FAXC: variants seen among roughly 807,000 people sequenced by gnomAD.
FAXC encodes failed axon connections homolog.
A neutral mutation model predicts 41.9 loss-of-function variants in FAXC; 10 were observed. The observed-to-expected ratio is 0.24, with a 90% CI of 0.15 to 0.41. FAXC has a LOEUF of 0.41. Among genes scored for constraint, FAXC ranks in the 10% least tolerant of loss-of-function variants. FAXC has a pLI of 1.00. For synonymous variants in FAXC, 183 were observed against 183.8 expected (o/e 1.00, Z 0.03); for missense variants, 399 against 510.9 (o/e 0.78, Z 2.11).
At chr6:99,300,814 C>T (rs1362820693) in intron 4 of FAXC, among the ~76,000 whole-genome samples, 2 of 152,152 alleles carry the variant, frequency 1.3e-5, no homozygotes, top group African/African-American at 4.8e-5. Flanking sequence ...TTCTGGTTAA[C>T]GAAACACCAC....
At position 99,343,183 on chromosome 6, in the gene FAXC, T is replaced by C. The variant is rs560959693; in HGVS notation, c.267-150A>G. On this transcript the variant is annotated intron_variant, in intron 1 of 5. Coordinates refer to ENST00000389677, the MANE Select transcript of FAXC (RefSeq NM_032511.4). ...GGGCTTACATCACCCAGCACCCAGT[T>C]TGTCGAAGGGGCTTACCTCACCCAG... The C allele has an allele frequency of 3.8e-4, 242 of 638,322 alleles. No individual in the cohort carries two copies. In the African/African-American group the frequency reaches 4.0e-3, roughly 10 times the overall value. The allele number at this position is 638,322 out of a possible 1,614,324, so 39.5% of individuals were successfully genotyped here.
intron 2 of FAXC, among the ~76,000 whole-genome samples, chr6:99,337,609 T>G (rs895558016): frequency 3.9e-5 from 6 of 152,174 alleles, no homozygotes; most frequent in Non-Finnish European, 8.8e-5. Context: ...AATCAGAAAA[T>G]GCAGTAAAGC....
chr6:99,317,679 G>A (rs1281645736), intron 4 of FAXC, among the ~76,000 whole-genome samples: 1 of 152,140 alleles, frequency 6.6e-6, no homozygotes, highest in Non-Finnish European at 1.5e-5. Flanking sequence ...TGTCAAATGG[G>A]TGGTGTTCCT....
chr6:99,313,047 C>T (rs1407745880), intron 4 of FAXC, among the ~76,000 whole-genome samples: 1 of 152,190 alleles, frequency 6.6e-6, no homozygotes, highest in Non-Finnish European at 1.5e-5. Flanking sequence ...AATCCCAGCA[C>T]GTTGTGGGGC....
At chr6:99,293,698 G>C (rs563816825) in intron 4 of FAXC, among the ~76,000 whole-genome samples, 14,639 of 143,002 alleles carry the variant, frequency 0.1, 673 homozygotes, top group Middle Eastern at 0.17. Context: ...GTGTGTGTGT[G>C]TGTGTGTGTG....
intron 5 of FAXC, among the ~76,000 whole-genome samples, chr6:99,282,243 A>T (rs1319302022): frequency 6.6e-6 from 1 of 152,144 alleles, no homozygotes; most frequent in African/African-American, 2.4e-5. Flanking sequence ...AATACGTCAA[A>T]CTGTTGGTTG....
At chr6:99,347,072 G>A (rs1313216036) in intron 1 of FAXC, among the ~76,000 whole-genome samples, 1 of 151,830 alleles carries the variant, frequency 6.6e-6, no homozygotes. Context: ...GACAAGCCTG[G>A]GCAACATAGT....
In FAXC at chr6:99,279,808, G is replaced by A. The variant is rs183538223; in HGVS notation, c.*1356C>T. 6.6e-6 allele frequency: 1 copy of A among 152,314 alleles called. No homozygotes were observed. Among genetic ancestry groups the A allele is most frequent in the Non-Finnish European group, 1.5e-5 (1 of 68,034 alleles). 9.4% of individuals were successfully genotyped at this position (152,314 alleles called of 1,614,324 possible). ...TGAGACAGCAAAAACATTAAGACTTGTTCTCAGCATTGCTCTCCTCTCACT... is the reference window on the plus strand; with the variant it reads ...TGAGACAGCAAAAACATTAAGACTTATTCTCAGCATTGCTCTCCTCTCACT... On this transcript the variant is annotated 3_prime_UTR_variant, in exon 6 of 6. Coordinates refer to ENST00000389677, the MANE Select transcript of FAXC (RefSeq NM_032511.4).
At chr6:99,292,102 A>G (rs1771270423) in intron 4 of FAXC, among the ~76,000 whole-genome samples, 1 of 152,216 alleles carries the variant, frequency 6.6e-6, no homozygotes, top group Admixed American at 6.5e-5. Flanking sequence ...ACTGATCACC[A>G]CCAGACCTCT....
Position 99,349,389 on chromosome 6 carries a change from C to T in FAXC, c.-17G>A. On this transcript the variant is annotated 5_prime_UTR_variant, in exon 1 of 6. Coordinates refer to ENST00000389677, the MANE Select transcript of FAXC (RefSeq NM_032511.4). ...CCAGTGCATGCTGCGCGGCTGGCTC[C>T]GGGCGCCCCTCCCAGGGCCCGCGCC... 2 of 1,590,608 alleles carry T rather than the reference C, an allele frequency of 1.3e-6. No homozygotes were observed. The highest frequency in any genetic ancestry group is 1.7e-6 in the Non-Finnish European group (2 of 1,169,250).
At chr6:99,290,004 T>C (rs183228554) in intron 5 of FAXC, among the ~76,000 whole-genome samples, 5 of 152,020 alleles carry the variant, frequency 3.3e-5, no homozygotes, top group Admixed American at 6.6e-5. Flanking sequence ...TAGTTTCTAC[T>C]GAACAAGTAT....
intron 4 of FAXC, among the ~76,000 whole-genome samples, chr6:99,316,315 G>T (rs939807524): frequency 6.6e-6 from 1 of 152,050 alleles, no homozygotes; most frequent in African/African-American, 2.4e-5. Flanking sequence ...CCACAGAAAG[G>T]GTTTGACAAC....
intron 4 of FAXC, among the ~76,000 whole-genome samples, chr6:99,313,170 G>A (rs1478908597): frequency 6.6e-6 from 1 of 152,182 alleles, no homozygotes; most frequent in Non-Finnish European, 1.5e-5. Context: ...GCACACGCCT[G>A]TGGTCCCAGC....
At chr6:99,347,138 A>T (rs1255785429) in intron 1 of FAXC, among the ~76,000 whole-genome samples, 2 of 152,162 alleles carry the variant, frequency 1.3e-5, no homozygotes, top group Non-Finnish European at 2.9e-5. Flanking sequence ...GCAATGGTTC[A>T]TGCCTGTAAT....
In FAXC at chr6:99,278,048, G is replaced by A. The variant is rs1002559474; in HGVS notation, c.*3116C>T. The A allele has an allele frequency of 6.6e-6, 1 of 152,084 alleles. No homozygotes were observed. The highest frequency in any genetic ancestry group is 6.6e-5 in the Admixed American group (1 of 15,266). 9.4% of individuals were successfully genotyped at this position (152,084 alleles called of 1,614,324 possible). ...ATACCCTAACACCACAGTATACATG[G>A]GCAGGGCTCACTTGAGGAGTAGACT... On this transcript the variant is annotated 3_prime_UTR_variant, in exon 6 of 6. Coordinates refer to ENST00000389677, the MANE Select transcript of FAXC (RefSeq NM_032511.4).
chr6:99,275,029 A>ATCT lies in FAXC; in HGVS notation c.*6132_*6134dup, dbSNP rs1420493687. On this transcript the variant is annotated 3_prime_UTR_variant, in exon 6 of 6. Coordinates refer to ENST00000389677, the MANE Select transcript of FAXC (RefSeq NM_032511.4). ...ACTAACATGGCAATTCAGAAGTTGG[A>ATCT]TCTTATTTTTTTAGAAGCCATGGGG... 2 of 152,328 alleles carry ATCT rather than the reference A, an allele frequency of 1.3e-5. No homozygotes were observed. The highest frequency in any genetic ancestry group is 3.4e-3 in the Middle Eastern group (1 of 294). The allele number at this position is 152,328 out of a possible 1,614,324, so 9.4% of individuals were successfully genotyped here. A position where few individuals can be genotyped will look rare whatever the true frequency, so the allele number is the denominator to read the frequency against.
At chr6:99,301,326 T>C (rs922117933) in intron 4 of FAXC, among the ~76,000 whole-genome samples, 2 of 152,260 alleles carry the variant, frequency 1.3e-5, no homozygotes, top group East Asian at 1.9e-4. Flanking sequence ...TCTTCTACTC[T>C]GTGGGAGACC....
chr6:99,297,883 C>A (rs1047159473), intron 4 of FAXC, among the ~76,000 whole-genome samples: 10 of 152,210 alleles, frequency 6.6e-5, no homozygotes, highest in Non-Finnish European at 1.3e-4. Flanking sequence ...TCATTGTCCA[C>A]GCCTCTGTTA....
intron 4 of FAXC, among the ~76,000 whole-genome samples, 196 bp from the exon 5 acceptor site, chr6:99,292,016 C>T (rs74350591): frequency 6.6e-6 from 1 of 152,072 alleles, no homozygotes; most frequent in Non-Finnish European, 1.5e-5. Context: ...TGTGATACAT[C>T]AACCCATAGA....
Sources: allele counts gnomAD v4.1 joint callset (sites outside exome capture counted in the v4.1 genomes callset), GRCh38; gene constraint gnomAD v4.1.1; transcripts MANE v1.5; gene names NCBI Gene and HGNC (gene_info 2026-07-23, HGNC 2026-07-21).